Variants in NEBL observed in about 807,000 individuals in gnomAD.
NEBL encodes the protein LIM and SH3 protein 2.
In NEBL, 122 loss-of-function variants were observed where a neutral mutation model predicts 140.2. The ratio of observed to expected loss-of-function variants is 0.87; its 90% CI spans 0.75 to 1.01. The LOEUF (loss-of-function observed/expected upper bound fraction) is 1.01. Among genes scored for constraint, NEBL ranks in the 50% least tolerant of loss-of-function variants. The probability of loss-of-function intolerance (pLI) is 0.00; values close to 1 mark genes in which losing one functional copy is unlikely to be tolerated. For synonymous variants in NEBL, 436 were observed against 398.9 expected (o/e 1.09, Z -1.11); for missense variants, 1,365 against 1,231.3 (o/e 1.11, Z -1.62).
chr10:21,096,682 T>G (rs1837202889), intron 2 of NEBL, among the ~76,000 whole-genome samples: 1 of 152,174 alleles, frequency 6.6e-6, no homozygotes, highest in Middle Eastern at 3.4e-3. Context: ...TCTGGCTAAT[T>G]TTTACAATTT....
At chr10:20,835,307 A>G (rs1009651476) in intron 14 of NEBL, among the ~76,000 whole-genome samples, 1 of 152,192 alleles carries the variant, frequency 6.6e-6, no homozygotes, top group African/African-American at 2.4e-5. Flanking sequence ...GCCTTCCACC[A>G]AGCTTTCTTG....
At chr10:21,205,784 A>G (rs1000273826) in intron 3 of NEBL, among the ~76,000 whole-genome samples, 7 of 152,188 alleles carry the variant, frequency 4.6e-5, no homozygotes, top group African/African-American at 1.7e-4. Context: ...TTTTTACATA[A>G]TAATAATAAT....
chr10:21,063,999 G>C (rs1436696638), intron 2 of NEBL, among the ~76,000 whole-genome samples: 1 of 152,136 alleles, frequency 6.6e-6, no homozygotes, highest in Non-Finnish European at 1.5e-5. Context: ...TTGAGCCCGG[G>C]AGGCAGAGGT....
In NEBL at chr10:21,200,654, G is replaced by A. The variant is rs192271982; in HGVS notation, n.349-28177C>T. Among the ~76,000 whole-genome samples, 359 of 152,278 alleles carry A rather than the reference G, an allele frequency of 2.4e-3. 1 individual carries two copies. The highest frequency in any genetic ancestry group is 8.3e-3 in the African/African-American group (343 of 41,558). ...GATGGCCACAATTCCAGAGATGTTT[G>A]CAAGGTGGTATTCAAAATACTTAAC... On this transcript the variant is annotated intron_variant and non_coding_transcript_variant, in intron 3 of 8. Transcript: ENST00000675702.
Position 21,173,581 on chromosome 10 carries a change from ATCGCCAAGCGTGGTC to A in NEBL, c.69+169_69+183del, listed in dbSNP as rs1378875386. Among the ~76,000 whole-genome samples the A allele has an allele frequency of 6.6e-6, 1 of 151,984 alleles. No homozygotes were observed. The highest frequency in any genetic ancestry group is 2.4e-5 in the African/African-American group (1 of 41,402). ...AGCCCTTCCCGGTTCCAACATCACA[ATCGCCAAGCGTGGTC>A]TCTGACACTCCCGCTGGCGTCTTCG... On this transcript the variant is annotated intron_variant, in intron 1 of 6. Transcript: ENST00000417816. The surrounding 1 kb of genome is among the most constrained non-coding windows in gnomAD (Gnocchi z 5.7).
intron 3 of NEBL, among the ~76,000 whole-genome samples, chr10:21,187,617 G>A (rs1281274330): frequency 1.3e-5 from 2 of 152,116 alleles, no homozygotes; most frequent in East Asian, 3.9e-4. Context: ...AGGCTCAAGC[G>A]ATTCTCCCAC....
chr10:20,816,334 A>G (rs993545141), intron 21 of NEBL, among the ~76,000 whole-genome samples: 3 of 152,246 alleles, frequency 2.0e-5, no homozygotes, highest in African/African-American at 7.2e-5. Flanking sequence ...TTCACCGTAG[A>G]CTGGTACTAC....
At chr10:20,880,196 AC>A (rs1564414974) in intron 5 of NEBL, among the ~76,000 whole-genome samples, 1 of 152,122 alleles carries the variant, frequency 6.6e-6, no homozygotes, top group African/African-American at 2.4e-5. Flanking sequence ...ACCCGTCTCT[AC>A]TAAAAATACA....
At chr10:21,182,520 C>T (rs570654488) in intron 3 of NEBL, among the ~76,000 whole-genome samples, 103 of 152,140 alleles carry the variant, frequency 6.8e-4, no homozygotes, top group African/African-American at 2.3e-3. Context: ...AGTAGAAGTG[C>T]GTATATTCTT....
rs71390800 is a variant in NEBL at position 20,924,413 on chromosome 10, TAAAAAAAAAA to T, written c.357+37249_357+37258del. 6.3e-4 allele frequency among the ~76,000 whole-genome samples: 37 copies of T among 59,060 alleles called. No homozygotes were observed. The South Asian group carries it at 0.011, about 17-fold the overall frequency. The allele number at this position is 59,060 out of a possible 152,430, so 38.7% of individuals were successfully genotyped here. ...CTATAGCTCTCGATCAGGCATGAAGTAAAAAAAAAAAAAAAAAAAAAAAAAGGCTACACCT... is the reference window on the plus strand; with the variant it reads ...CTATAGCTCTCGATCAGGCATGAAGTAAAAAAAAAAAAAAAGGCTACACCT... On this transcript the variant is annotated intron_variant, in intron 4 of 6. Transcript: ENST00000417816.
intron 2 of NEBL, among the ~76,000 whole-genome samples, chr10:21,139,960 G>A (rs1564524835): frequency 6.8e-6 from 1 of 147,956 alleles, no homozygotes; most frequent in Non-Finnish European, 1.5e-5. Context: ...AGACCAGCCC[G>A]GCCAACATGT....
chr10:20,816,890 A>G lies in NEBL; in HGVS notation c.2148+710T>C, dbSNP rs187127788. 4.7e-3 allele frequency among the ~76,000 whole-genome samples: 721 copies of G among 152,262 alleles called. 2 individuals are homozygous for G. Among genetic ancestry groups the G allele is most frequent in the African/African-American group, 0.017 (699 of 41,552 alleles). On this transcript the variant is annotated intron_variant, in intron 21 of 27. Coordinates refer to ENST00000377122, the MANE Select transcript of NEBL (RefSeq NM_006393.3). ...ATCATTTCTTCCTAGACTTTGCCCA[A>G]AAATGGAGTCATGATTGTGGGAAGT...
chr10:20,782,930 C>G lies in NEBL; in HGVS notation c.*2817G>C, dbSNP rs1255480154. The G allele has an allele frequency of 1.3e-5, 2 of 152,624 alleles. No individual in the cohort carries two copies. The highest frequency in any genetic ancestry group is 4.8e-5 in the African/African-American group (2 of 41,456). The allele number at this position is 152,624 out of a possible 1,614,324, so 9.5% of individuals were successfully genotyped here. On this transcript the variant is annotated 3_prime_UTR_variant, in exon 28 of 28. Coordinates refer to ENST00000377122, the MANE Select transcript of NEBL (RefSeq NM_006393.3). ...GCTCAAGAGAGAGAGGATCCCTATA[C>G]AGCTTTGTTTTCAGAACCTTTTAAA...
In NEBL at chr10:20,962,010, G is replaced by A. The variant is rs11012421; in HGVS notation, c.250-231C>T. ...AAGTTCTTTAACCACTCTGTGCTCA[G>A]TGGTGTCATCTGTACAGCGGCAATA... On this transcript the variant is annotated intron_variant, in intron 3 of 6. Coordinates refer to the NEBL transcript ENST00000417816. Among the ~76,000 whole-genome samples the A allele has an allele frequency of 0.019, 2,879 of 152,270 alleles. 355 individuals are homozygous for A. In the East Asian group the frequency reaches 0.34, roughly 18 times the overall value.
At chr10:21,033,995 A>G (rs951765857) in intron 2 of NEBL, among the ~76,000 whole-genome samples, 2 of 151,478 alleles carry the variant, frequency 1.3e-5, no homozygotes, top group African/African-American at 2.4e-5. Context: ...GCGAAAACTC[A>G]TCTCTACAAA....
upstream of NEBL, among the ~76,000 whole-genome samples, chr10:20,898,862 AC>A (rs1436942806): frequency 6.6e-6 from 1 of 152,116 alleles, no homozygotes; most frequent in Non-Finnish European, 1.5e-5. Context: ...GTGAAATATG[AC>A]CGACTGCTTA....
At chr10:21,114,730 C>T (rs555159006) in intron 2 of NEBL, among the ~76,000 whole-genome samples, 8 of 152,088 alleles carry the variant, frequency 5.3e-5, no homozygotes, top group South Asian at 2.1e-4. Context: ...CTTTGATTAA[C>T]GCTGGCATGC....
chr10:21,098,540 T>C (rs1837311136), intron 2 of NEBL, among the ~76,000 whole-genome samples: 2 of 152,154 alleles, frequency 1.3e-5, no homozygotes, highest in African/African-American at 2.4e-5. Context: ...TGAGAAGCCA[T>C]TCTGGACATC....
chr10:21,004,728 A>AAG (rs1230382771), intron 3 of NEBL, among the ~76,000 whole-genome samples: 1 of 152,090 alleles, frequency 6.6e-6, no homozygotes, highest in Admixed American at 6.5e-5. Flanking sequence ...CAAAAAAAAA[A>AAG]AGAATCACCT....
Sources: gnomAD v4.1 joint callset for allele counts (sites outside exome capture counted in the v4.1 genomes callset) on GRCh38, gnomAD v4.1.1 for gene constraint, Gnocchi (gnomAD v3.1) non-coding constraint, MANE v1.5 for transcripts, NCBI Gene and HGNC (gene_info 2026-07-23, HGNC 2026-07-21) for gene names.